Variants in SCUBE2 observed in about 807,000 individuals in gnomAD.
The protein encoded by SCUBE2 is signal peptide, CUB domain and EGF like domain containing 2.
In SCUBE2, 114 loss-of-function variants were observed where a neutral mutation model predicts 125.9. That is an observed-to-expected ratio of 0.91 (90% CI 0.78 to 1.06). The LOEUF is 1.06. Ranked by LOEUF, SCUBE2 falls within the 50% of genes least tolerant of loss-of-function variation. SCUBE2 has a pLI of 0.00. For synonymous variants in SCUBE2, 459 were observed against 492.9 expected (o/e 0.93, Z 0.91); for missense variants, 1,255 against 1,301.8 (o/e 0.96, Z 0.55).
At position 9,027,525 on chromosome 11, in the gene SCUBE2, C is replaced by T; in HGVS notation, c.2540G>A (p.Gly847Glu). ...RCGGELGDFT[G>E]YIESPNYPGN... is the part of the protein sequence containing the mutation. ...TGGGTAGTTTGGGGATTCAATGTACCCAGTGAAATCTCCCAGCTCCCCTCC... is the reference window on the plus strand; with the variant it reads ...TGGGTAGTTTGGGGATTCAATGTACTCAGTGAAATCTCCCAGCTCCCCTCC... The change falls in exon 20 of 23, where the codon GGG (glycine) becomes GAG (glutamate). Residue 847 changes from glycine (G) to glutamate (E), a missense_variant. Gly to Glu is a moderately conservative substitution (Grantham distance 98, BLOSUM62 -2). Transcript: ENST00000649792. The T allele has an allele frequency of 1.2e-6, 2 of 1,613,886 alleles. No homozygotes were observed. Among genetic ancestry groups the T allele is most frequent in the Non-Finnish European group, 1.7e-6 (2 of 1,179,968 alleles).
chr11:9,051,989 C>G (rs529842878), intron 13 of SCUBE2, among the ~76,000 whole-genome samples: 2 of 152,296 alleles, frequency 1.3e-5, no homozygotes, highest in African/African-American at 4.8e-5. Flanking sequence ...AATCCCAGCT[C>G]CCCTATTTCT....
In SCUBE2 at chr11:9,091,458, GGCGGCA is replaced by G; in HGVS notation, c.65_70del (p.Leu22_Pro23del). On this transcript the variant is annotated inframe_deletion, in exon 1 of 23. Transcript: ENST00000649792. The surrounding 1 kb of genome is among the most constrained non-coding windows in gnomAD (Gnocchi z 8.5). Reference sequence around the variant, plus strand: ...GACGGCCCCCGCCAGCAGCAGCAGTGGCGGCAGCAGCAGCAGCAGCAGCAGCACCGC... The same window carrying G: ...GACGGCCCCCGCCAGCAGCAGCAGTGGCAGCAGCAGCAGCAGCAGCACCGC... 1 of 1,284,356 alleles carries G rather than the reference GGCGGCA, an allele frequency of 7.8e-7. No homozygotes were observed. The highest frequency in any genetic ancestry group is 9.8e-7 in the Non-Finnish European group (1 of 1,022,996). The allele number at this position is 1,284,356 out of a possible 1,614,324, so 79.6% of individuals were successfully genotyped here. A position where few individuals can be genotyped will look rare whatever the true frequency, so the allele number is the denominator to read the frequency against.
Position 9,065,902 on chromosome 11 carries a change from C to T in SCUBE2, c.839G>A (p.Arg280Gln), listed in dbSNP as rs779938429. 2.9e-5 allele frequency: 47 copies of T among 1,613,942 alleles called. No homozygotes were observed. Among genetic ancestry groups the T allele is most frequent in the South Asian group, 1.1e-4 (10 of 91,084 alleles). ...VVDGDKRVKR[R>Q]LLMETCAVNN... ...GTGAAGGTGCCTACCCATGAGCAGC[C>T]GCCGTTTCACCCGTTTATCCCCATC... Residue 280 changes from arginine (R) to glutamine (Q), a missense_variant, in exon 7 of 23, where the codon CGG (arginine) becomes CAG (glutamine). Physicochemically the swap from Arg to Gln is conservative, Grantham distance 43 (BLOSUM62 1). This residue lies in a region of SCUBE2 where 378 missense variants were observed against 463.1 expected (regional missense o/e 0.82). Coordinates refer to ENST00000649792, the MANE Select transcript of SCUBE2 (RefSeq NM_001367977.2).
intron 5 of SCUBE2, among the ~76,000 whole-genome samples, 174 bp from the exon 6 acceptor site, chr11:9,066,987 G>A (rs1860310869): frequency 6.6e-6 from 1 of 152,220 alleles, no homozygotes; most frequent in Admixed American, 6.5e-5. Context: ...GTCTGTGTAT[G>A]CAGATAGTTA....
chr11:9,031,785 CA>C (rs1856326359), intron 17 of SCUBE2, among the ~76,000 whole-genome samples: 1 of 152,172 alleles, frequency 6.6e-6, no homozygotes, highest in Admixed American at 6.5e-5. Flanking sequence ...TAGTCATTGG[CA>C]AGATGCTATC....
chr11:9,083,003 T>C (rs1861766745), intron 2 of SCUBE2, among the ~76,000 whole-genome samples: 1 of 148,312 alleles, frequency 6.7e-6, no homozygotes, highest in Admixed American at 6.8e-5. Flanking sequence ...GTTGCAACTT[T>C]TCTGAAATCT....
intron 10 of SCUBE2, among the ~76,000 whole-genome samples, 184 bp downstream of exon 10, chr11:9,055,609 T>C (rs1859000963): frequency 1.3e-5 from 2 of 152,252 alleles, no homozygotes; most frequent in Non-Finnish European, 2.9e-5. Flanking sequence ...GTTAAAGGGA[T>C]ACATGTGGGG....
At chr11:9,054,698 A>ACT (rs1564822811) in intron 10 of SCUBE2, among the ~76,000 whole-genome samples, 2 of 61,226 alleles carry the variant, frequency 3.3e-5, no homozygotes, top group African/African-American at 1.7e-4. Context: ...GCAAAGCACT[A>ACT]GTGTATATAT....
At chr11:9,074,718 C>T in intron 3 of SCUBE2, 103 bp from the exon 4 acceptor site, 1 of 1,274,910 alleles carries the variant, frequency 7.8e-7, no homozygotes, top group South Asian at 1.3e-5. Context: ...GGTTCCTCTT[C>T]ACGTCCCTGC....
chr11:9,053,803 A>G (rs1187031491), intron 10 of SCUBE2, 44 bp from the exon 11 acceptor site: 8 of 1,594,066 alleles, frequency 5.0e-6, no homozygotes, highest in Non-Finnish European at 6.9e-6. Flanking sequence ...CTGTCACTGA[A>G]TGGGCTGACA....
chr11:9,027,167 T>G, intron 20 of SCUBE2, 197 bp downstream of exon 20: 1 of 599,940 alleles, frequency 1.7e-6, no homozygotes. Context: ...GATCACTACC[T>G]CTGGGGCCCA....
At chr11:9,042,535 C>T (rs1857351227) in intron 16 of SCUBE2, among the ~76,000 whole-genome samples, 1 of 152,212 alleles carries the variant, frequency 6.6e-6, no homozygotes, top group Non-Finnish European at 1.5e-5. Context: ...AATATTCAGG[C>T]TTTAGCCTCC....
At position 9,089,800 on chromosome 11, in the gene SCUBE2, C is replaced by G; in HGVS notation, c.163G>C (p.Asp55His). The change falls in exon 2 of 23, where the codon GAC (aspartate) becomes CAC (histidine). Residue 55 changes from aspartate (D) to histidine (H), a missense_variant. Asp to His is a moderately conservative substitution (Grantham distance 81, BLOSUM62 -1). Coordinates refer to ENST00000649792, the MANE Select transcript of SCUBE2 (RefSeq NM_001367977.2). ...DVDECAQGLD[D>H]CHADALCQNT... ...TGACACAGGGCGTCGGCATGGCAGT[C>G]ATCTAGCCCTTGGGCACACTCATCT... The G allele has an allele frequency of 6.2e-7, 1 of 1,613,902 alleles. No homozygotes were observed. The highest frequency in any genetic ancestry group is 1.7e-5 in the Admixed American group (1 of 60,014).
intron 9 of SCUBE2, among the ~76,000 whole-genome samples, 200 bp downstream of exon 9, chr11:9,059,103 T>C (rs998623992): frequency 1.3e-5 from 2 of 151,874 alleles, no homozygotes; most frequent in African/African-American, 4.9e-5. Flanking sequence ...CATTAACAGC[T>C]TAATTTCCAA....
At chr11:9,034,936 G>A (rs916119739) in intron 16 of SCUBE2, among the ~76,000 whole-genome samples, 1 of 152,140 alleles carries the variant, frequency 6.6e-6, no homozygotes, top group South Asian at 2.1e-4. Context: ...CGCGGAGGTT[G>A]CAATGGGCCG....
At chr11:9,070,345 G>A (rs1467509404) in intron 4 of SCUBE2, among the ~76,000 whole-genome samples, 2 of 152,200 alleles carry the variant, frequency 1.3e-5, no homozygotes, top group Admixed American at 1.3e-4. Context: ...CAAGGTAACT[G>A]CCCGTGTGGT....
intron 4 of SCUBE2, among the ~76,000 whole-genome samples, chr11:9,073,003 T>C (rs1412703710): frequency 6.6e-6 from 1 of 152,200 alleles, no homozygotes; most frequent in Non-Finnish European, 1.5e-5. Flanking sequence ...GCTTTGTAAC[T>C]GGGTGGGACC....
At chr11:9,073,005 G>T (rs942213479) in intron 4 of SCUBE2, among the ~76,000 whole-genome samples, 1 of 152,150 alleles carries the variant, frequency 6.6e-6, no homozygotes, top group African/African-American at 2.4e-5. Context: ...TTTGTAACTG[G>T]GTGGGACCCA....
Position 9,027,359 on chromosome 11 carries a change from C to A in SCUBE2, c.2701+5G>T. 2 of 1,613,658 alleles carry A rather than the reference C, an allele frequency of 1.2e-6. No individual in the cohort carries two copies. Among genetic ancestry groups the A allele is most frequent in the South Asian group, 1.1e-5 (1 of 90,968 alleles). Reference sequence around the variant, plus strand: ...TGAGAAAGGGAGGGAGGGAGTGAGACGCACAGGTTTTCCGCATCACCAGAT... The same window carrying A: ...TGAGAAAGGGAGGGAGGGAGTGAGAAGCACAGGTTTTCCGCATCACCAGAT... On this transcript the variant is annotated splice_donor_5th_base_variant and intron_variant, in intron 20 of 22. Transcript: ENST00000649792.
Sources: allele counts gnomAD v4.1 joint callset (sites outside exome capture counted in the v4.1 genomes callset), GRCh38; gene constraint gnomAD v4.1.1; regional missense constraint gnomAD v4.1.1; non-coding constraint Gnocchi (gnomAD v3.1); transcripts MANE v1.5; gene names NCBI Gene and HGNC (gene_info 2026-07-23, HGNC 2026-07-21).